SIRPB2: variants seen among roughly 807,000 people sequenced by gnomAD.
SIRPB2 encodes signal-regulatory protein beta-2.
Under a neutral mutation model 27.1 loss-of-function variants are expected in SIRPB2, and 18 were observed. That is an observed-to-expected ratio of 0.66 (90% CI 0.46 to 0.98). The LOEUF (loss-of-function observed/expected upper bound fraction) is 0.98, where lower values mean the gene tolerates loss of function less well. SIRPB2 is among the 50% of genes least tolerant of loss of function. The pLI, the probability that SIRPB2 is intolerant of heterozygous loss-of-function variation, is 0.00. For missense variants in SIRPB2, 420 were observed against 417.4 expected (o/e 1.01, Z -0.06); for synonymous variants, 150 against 164.6 (o/e 0.91, Z 0.68).
chr20:1,475,756 GA>G lies in SIRPB2; in HGVS notation c.*410del. 1 of 129,766 alleles carries G rather than the reference GA, an allele frequency of 7.7e-6. No homozygotes were observed. Among genetic ancestry groups the G allele is most frequent in the Non-Finnish European group, 1.7e-5 (1 of 60,174 alleles). The allele number at this position is 129,766 out of a possible 1,614,324, so 8.0% of individuals were successfully genotyped here. A position where few individuals can be genotyped will look rare whatever the true frequency, so the allele number is the denominator to read the frequency against. On this transcript the variant is annotated 3_prime_UTR_variant, in exon 5 of 5. Coordinates refer to ENST00000359801, the MANE Select transcript of SIRPB2 (RefSeq NM_001122962.2). ...AGGAGTGGGGAGAAAGGTGTAGATG[GA>G]GGGGCACAGATGGTCTGGCTGGTTG...
chr20:1,485,268 A>G (rs1204857063), intron 1 of SIRPB2, among the ~76,000 whole-genome samples: 1 of 152,224 alleles, frequency 6.6e-6, no homozygotes, highest in African/African-American at 2.4e-5. Context: ...CAGATAAATG[A>G]AAAATACATG....
Position 1,476,242 on chromosome 20 carries a change from AG to A in SIRPB2, c.953del (p.Pro318LeufsTer15). ...CTGTGGTCTTGACATCTTCTTGCCC[AG>A]GGCTCCTCCGAGAGGTAGCCAGGGC... ...LLALATSRRSPGQEDVKTTGP... is the reference protein window; with the variant it reads ...LLALATSRRSXGQEDVKTTGP... On this transcript the variant is annotated frameshift_variant, in exon 5 of 5. Coordinates refer to ENST00000359801, the MANE Select transcript of SIRPB2 (RefSeq NM_001122962.2). LOFTEE classifies it low-confidence loss of function (END_TRUNC). 26 of 1,613,996 alleles carry A rather than the reference AG, an allele frequency of 1.6e-5. No homozygotes were observed. Among genetic ancestry groups the A allele is most frequent in the Non-Finnish European group, 2.1e-5 (25 of 1,179,992 alleles).
At chr20:1,490,264 G>T (rs1280960704) in intron 1 of SIRPB2, among the ~76,000 whole-genome samples, 1 of 152,158 alleles carries the variant, frequency 6.6e-6, no homozygotes, top group Non-Finnish European at 1.5e-5. Context: ...CAATGAGTAA[G>T]GGAGCACCTA....
rs147218905 is a variant in SIRPB2 at position 1,480,283 on chromosome 20, C to G, written c.86-218G>C. The G allele has an allele frequency of 2.8e-3, 1,608 of 578,600 alleles. 6 individuals are homozygous for G. The highest frequency in any genetic ancestry group is 4.5e-3 in the Admixed American group (140 of 30,984). 35.8% of individuals were successfully genotyped at this position (578,600 alleles called of 1,614,324 possible). A position where few individuals can be genotyped will look rare whatever the true frequency, so the allele number is the denominator to read the frequency against. On this transcript the variant is annotated intron_variant, in intron 1 of 4. Coordinates refer to ENST00000359801, the MANE Select transcript of SIRPB2 (RefSeq NM_001122962.2). ...AAACCTACAAACAATAAATAACACTCAAGTGCTCACCGTGTGCTGGGCCCT... is the reference window on the plus strand; with the variant it reads ...AAACCTACAAACAATAAATAACACTGAAGTGCTCACCGTGTGCTGGGCCCT...
intron 1 of SIRPB2, chr20:1,480,337 A>G (rs770000151): frequency 3.4e-5 from 13 of 387,044 alleles, no homozygotes; most frequent in Non-Finnish European, 6.1e-5. Flanking sequence ...ATTCTTCACA[A>G]TGCTTCTGTA....
chr20:1,484,755 A>C (rs1054215783), intron 1 of SIRPB2, among the ~76,000 whole-genome samples: 11 of 152,160 alleles, frequency 7.2e-5, no homozygotes, highest in African/African-American at 2.4e-4. Context: ...GGTTGCAAAG[A>C]AAAGGAAACT....
intron 1 of SIRPB2, among the ~76,000 whole-genome samples, chr20:1,487,757 T>C (rs1162468998): frequency 2.0e-5 from 3 of 152,208 alleles, no homozygotes; most frequent in Non-Finnish European, 2.9e-5. Flanking sequence ...GCAATCCTCC[T>C]GAGTAGCTAG....
At chr20:1,472,517 A>T (rs767060324), downstream of SIRPB2, among the ~76,000 whole-genome samples, 2 of 152,130 alleles carry the variant, frequency 1.3e-5, no homozygotes, top group Non-Finnish European at 2.9e-5. Context: ...CATGGGGAGG[A>T]TAGTGACTAC....
In SIRPB2 at chr20:1,475,786, T is replaced by A; in HGVS notation, c.*381A>T. The A allele has an allele frequency of 5.3e-6, 1 of 187,380 alleles. No individual in the cohort carries two copies. The highest frequency in any genetic ancestry group is 1.1e-5 in the Non-Finnish European group (1 of 91,218). The allele number at this position is 187,380 out of a possible 1,614,324, so 11.6% of individuals were successfully genotyped here. ...GCACAGATGGTCTGGCTGGTTGAGT[T>A]CAGAGATTCTTACAGACATCTCCTG... On this transcript the variant is annotated 3_prime_UTR_variant, in exon 5 of 5. Coordinates refer to ENST00000359801, the MANE Select transcript of SIRPB2 (RefSeq NM_001122962.2).
chr20:1,474,135 T>C (rs2090591015), downstream of SIRPB2, among the ~76,000 whole-genome samples: 1 of 152,226 alleles, frequency 6.6e-6, no homozygotes, highest in Non-Finnish European at 1.5e-5. Context: ...ACATCTCTTT[T>C]AGGGCTCACT....
chr20:1,479,640 G>A, intron 2 of SIRPB2, 60 bp downstream of exon 2: 1 of 1,585,888 alleles, frequency 6.3e-7, no homozygotes, highest in Non-Finnish European at 8.6e-7. Context: ...AGTGGATAAA[G>A]GTGACTGTGC....
Position 1,476,332 on chromosome 20 carries a change from G to A in SIRPB2, c.864C>T (p.Leu288=), listed in dbSNP as rs1422803377. The part of the protein sequence containing the change: ...EPATEMSPTG[L]LVVFAPVVLG... ...GGACCACAGGTGCGAACACAACCAGGAGGCCTGGGAGGCACAGGAGAGAGC... is the reference window on the plus strand; with the variant it reads ...GGACCACAGGTGCGAACACAACCAGAAGGCCTGGGAGGCACAGGAGAGAGC... The change falls in exon 5 of 5, where the codon CTC becomes CTT. Residue 288 remains leucine (L), a synonymous_variant. Coordinates refer to ENST00000359801, the MANE Select transcript of SIRPB2 (RefSeq NM_001122962.2). 1.2e-6 allele frequency: 2 copies of A among 1,611,530 alleles called. No homozygotes were observed. The highest frequency in any genetic ancestry group is 8.5e-7 in the Non-Finnish European group (1 of 1,179,204).
chr20:1,476,401 T>G, intron 4 of SIRPB2, 65 bp from the exon 5 acceptor site: 1 of 1,487,848 alleles, frequency 6.7e-7, no homozygotes, highest in Non-Finnish European at 9.0e-7. Context: ...CACGCCTCAT[T>G]GCTGCCCATG....
chr20:1,484,568 A>T (rs1394486788), intron 1 of SIRPB2, among the ~76,000 whole-genome samples: 1 of 152,214 alleles, frequency 6.6e-6, no homozygotes, highest in Non-Finnish European at 1.5e-5. Context: ...AAAAGAAGAC[A>T]TACAAATGGC....
chr20:1,473,846 G>A (rs1364528130), downstream of SIRPB2: 4 of 456,164 alleles, frequency 8.8e-6, no homozygotes, highest in African/African-American at 8.0e-5. Flanking sequence ...GCTTCCCGTG[G>A]CCGCTGTAAC....
chr20:1,474,031 T>C (rs1214761579), downstream of SIRPB2, among the ~76,000 whole-genome samples: 1 of 152,206 alleles, frequency 6.6e-6, no homozygotes, highest in Non-Finnish European at 1.5e-5. Context: ...TTCCTTAACC[T>C]GTGGTCACAT....
Position 1,475,766 on chromosome 20 carries a change from GAT to G in SIRPB2, c.*399_*400del. ...AGAAAGGTGTAGATGGAGGGGCACA[GAT>G]GGTCTGGCTGGTTGAGTTCAGAGAT... On this transcript the variant is annotated 3_prime_UTR_variant, in exon 5 of 5. Coordinates refer to ENST00000359801, the MANE Select transcript of SIRPB2 (RefSeq NM_001122962.2). 6.9e-6 allele frequency: 1 copy of G among 145,034 alleles called. No individual in the cohort carries two copies. Among genetic ancestry groups the G allele is most frequent in the Non-Finnish European group, 1.5e-5 (1 of 66,190 alleles). 9.0% of individuals were successfully genotyped at this position (145,034 alleles called of 1,614,324 possible).
intron 4 of SIRPB2, 38 bp from the exon 5 acceptor site, chr20:1,476,374 G>T (rs759613749): frequency 6.3e-7 from 1 of 1,587,372 alleles, no homozygotes; most frequent in Non-Finnish European, 8.6e-7. Context: ...GGGACCCGTG[G>T]TGAGGGCCCC....
chr20:1,478,287 C>A lies in SIRPB2; in HGVS notation c.772G>T (p.Gly258Cys), dbSNP rs774953663. 4.3e-6 allele frequency: 7 copies of A among 1,613,142 alleles called. No individual in the cohort carries two copies. Among genetic ancestry groups the A allele is most frequent in the South Asian group, 1.1e-5 (1 of 91,076 alleles). ...TCACCTTTCACTTTCAGGCTGGTGC[C>A]CTGTCCAGACAGGTATTGCCTGTTG... is the stretch of plus-strand genomic sequence containing the variant. Reference protein sequence around the residue: ...KPNRQYLSGQGTSLKVKAKST... With the variant: ...KPNRQYLSGQCTSLKVKAKST... The change falls in exon 3 of 5, where the codon GGC (glycine) becomes TGC (cysteine). Residue 258 changes from glycine to cysteine, a missense_variant. Coordinates refer to ENST00000359801, the MANE Select transcript of SIRPB2 (RefSeq NM_001122962.2).
Sources: gnomAD v4.1 joint callset for allele counts (sites outside exome capture counted in the v4.1 genomes callset) on GRCh38, gnomAD v4.1.1 for gene constraint, MANE v1.5 for transcripts, NCBI Gene and HGNC (gene_info 2026-07-23, HGNC 2026-07-21) for gene names.